Variants in RGS18 observed in about 807,000 individuals in gnomAD.
The protein encoded by RGS18 is regulator of G-protein signaling 18.
In RGS18, 22 loss-of-function variants were observed where a neutral mutation model predicts 27.6. The observed-to-expected ratio is 0.80, with a 90% CI of 0.57 to 1.14. The LOEUF (loss-of-function observed/expected upper bound fraction) is 1.14. RGS18 is among the 50% of genes most tolerant of loss of function. The pLI, the probability that RGS18 is intolerant of heterozygous loss-of-function variation, is 0.00. For missense variants in RGS18, 299 were observed against 269.6 expected (o/e 1.11, Z -0.76); for synonymous variants, 89 against 84.6 (o/e 1.05, Z -0.29).
At chr1:192,160,316 G>C in intron 2 of RGS18, 62 bp from the exon 3 acceptor site, 1 of 1,048,248 alleles carries the variant, frequency 9.5e-7, no homozygotes, top group Non-Finnish European at 1.5e-6. Context: ...GCATATGTTA[G>C]AACAGATTCA....
At chr1:192,175,889 T>C (rs543884891) in intron 3 of RGS18, among the ~76,000 whole-genome samples, 2 of 152,040 alleles carry the variant, frequency 1.3e-5, no homozygotes, top group South Asian at 4.1e-4. Flanking sequence ...GCAACTTTAG[T>C]ACTTGCAAAT....
chr1:192,182,965 A>C (rs1656480978), intron 4 of RGS18, among the ~76,000 whole-genome samples: 1 of 151,584 alleles, frequency 6.6e-6, no homozygotes, highest in Non-Finnish European at 1.5e-5. Flanking sequence ...CAAGTTTTCA[A>C]GTGGAAAACA....
intron 3 of RGS18, among the ~76,000 whole-genome samples, chr1:192,174,925 A>C (rs1484879360): frequency 2.0e-5 from 3 of 151,720 alleles, no homozygotes; most frequent in African/African-American, 7.3e-5. Context: ...TGGATCTAAC[A>C]TCTTACTATT....
intron 3 of RGS18, among the ~76,000 whole-genome samples, chr1:192,178,288 A>G (rs1366158642): frequency 6.6e-6 from 1 of 151,666 alleles, no homozygotes; most frequent in Non-Finnish European, 1.5e-5. Flanking sequence ...CATATGACTA[A>G]TTCAGTGGTC....
chr1:192,172,270 T>C (rs548507441), intron 3 of RGS18, among the ~76,000 whole-genome samples: 6 of 151,978 alleles, frequency 3.9e-5, no homozygotes, highest in Non-Finnish European at 8.8e-5. Context: ...TTTTCAGCAA[T>C]AGTGAGTTTT....
Position 192,184,323 on chromosome 1 carries a change from A to G in RGS18, c.477A>G (p.Glu159=), listed in dbSNP as rs776135760. The G allele has an allele frequency of 6.2e-7, 1 of 1,609,810 alleles. No homozygotes were observed. The highest frequency in any genetic ancestry group is 8.5e-7 in the Non-Finnish European group (1 of 1,177,062). Residue 159 remains glutamate, a synonymous_variant, in exon 5 of 5, where the codon GAA becomes GAG. Coordinates refer to ENST00000367460, the MANE Select transcript of RGS18 (RefSeq NM_130782.3). ...KEVNLDFHTK[E]VITNSITQPT... ...TTAACCTTGATTTTCACACAAAAGA[A>G]GTCATTACAAACAGCATCACTCAAC...
chr1:192,175,153 AT>A (rs902922900), intron 3 of RGS18, among the ~76,000 whole-genome samples: 2 of 151,634 alleles, frequency 1.3e-5, no homozygotes, highest in Admixed American at 1.3e-4. Flanking sequence ...CATAGTTTAA[AT>A]TTTGTCTTAG....
intron 2 of RGS18, among the ~76,000 whole-genome samples, chr1:192,159,641 A>C (rs539602720): frequency 6.6e-6 from 1 of 152,188 alleles, no homozygotes; most frequent in Non-Finnish European, 1.5e-5. Flanking sequence ...CAATATTGTC[A>C]TAGCAGAGAG....
intron 3 of RGS18, chr1:192,169,132 G>A (rs529729840): frequency 6.6e-6 from 1 of 152,162 alleles, no homozygotes; most frequent in Non-Finnish European, 1.5e-5. Flanking sequence ...TCAGCTATCT[G>A]GCTTCTGGGC....
intron 4 of RGS18, among the ~76,000 whole-genome samples, chr1:192,182,142 G>A (rs1656467247): frequency 1.3e-5 from 2 of 151,584 alleles, no homozygotes; most frequent in African/African-American, 4.8e-5. Context: ...GAATAATGCT[G>A]CAATAAACAT....
chr1:192,174,072 T>G (rs1656315741), intron 3 of RGS18, among the ~76,000 whole-genome samples: 1 of 151,738 alleles, frequency 6.6e-6, no homozygotes, highest in Non-Finnish European at 1.5e-5. Flanking sequence ...AACCACTGTT[T>G]AAGCTGCATC....
Position 192,184,493 on chromosome 1 carries a change from C to G in RGS18, c.647C>G (p.Ser216Ter). The G allele has an allele frequency of 1.9e-6, 3 of 1,611,444 alleles. No individual in the cohort carries two copies. The highest frequency in any genetic ancestry group is 2.5e-6 in the Non-Finnish European group (3 of 1,178,324). ...PQRPTNLRRR[S>*]RSFTCNEFQD... ...AGACCAACAAATCTTAGGAGACGAT[C>G]ACGCTCATTTACCTGCAATGAATTC... Residue 216 changes from serine to a stop codon, truncating the protein, a stop_gained, in exon 5 of 5, where the codon TCA becomes TGA. Transcript: ENST00000367460. LOFTEE classifies it high-confidence loss of function.
At position 192,185,630 on chromosome 1, in the gene RGS18, T is replaced by C. The variant is rs568000456; in HGVS notation, c.*1076T>C. 50 of 151,830 alleles carry C rather than the reference T, an allele frequency of 3.3e-4. No homozygotes were observed. Among genetic ancestry groups the C allele is most frequent in the African/African-American group, 1.2e-3 (48 of 41,496 alleles). The allele number at this position is 151,830 out of a possible 1,614,324, so 9.4% of individuals were successfully genotyped here. A position where few individuals can be genotyped will look rare whatever the true frequency, so the allele number is the denominator to read the frequency against. On this transcript the variant is annotated 3_prime_UTR_variant, in exon 5 of 5. Transcript: ENST00000367460. ...TATATGTCACTGTTTTAAAGAGATA[T>C]TTAATTTTTAATGTGTGTTACATGG... is the stretch of plus-strand genomic sequence containing the variant.
intron 3 of RGS18, among the ~76,000 whole-genome samples, chr1:192,180,951 ACT>A (rs974727499): frequency 1.3e-5 from 2 of 151,632 alleles, no homozygotes; most frequent in South Asian, 2.1e-4. Flanking sequence ...TGGCTTCTTG[ACT>A]CTGTGGAATC....
In RGS18 at chr1:192,159,265, T is replaced by C. The variant is rs1296644430; in HGVS notation, c.165T>C (p.Pro55=). The C allele has an allele frequency of 4.3e-6, 7 of 1,613,768 alleles. No homozygotes were observed. The highest frequency in any genetic ancestry group is 5.9e-6 in the Non-Finnish European group (7 of 1,179,720). ...RNRLSLLVQK[P]EFHEDTRSSR... Reference sequence around the variant, plus strand: ...GACTAAGTCTTCTTGTGCAGAAACCTGAGTTTCATGAAGACACCCGCTCCA... The same window carrying C: ...GACTAAGTCTTCTTGTGCAGAAACCCGAGTTTCATGAAGACACCCGCTCCA... The change falls in exon 2 of 5, where the codon CCT becomes CCC. Residue 55 remains proline, a synonymous_variant. Transcript: ENST00000367460.
chr1:192,161,079 T>A (rs1656062551), intron 3 of RGS18, among the ~76,000 whole-genome samples: 1 of 152,226 alleles, frequency 6.6e-6, no homozygotes, highest in Non-Finnish European at 1.5e-5. Flanking sequence ...CTCAATCTGC[T>A]GACCTGGTGA....
chr1:192,184,451 T>A lies in RGS18; in HGVS notation c.605T>A (p.Met202Lys), dbSNP rs1490714850. The A allele has an allele frequency of 6.2e-7, 1 of 1,611,696 alleles. No individual in the cohort carries two copies. The highest frequency in any genetic ancestry group is 1.3e-5 in the African/African-American group (1 of 74,688). Residue 202 changes from methionine to lysine, a missense_variant, in exon 5 of 5, where the codon ATG (methionine) becomes AAG (lysine). Physicochemically the swap from Met to Lys is moderately conservative, Grantham distance 95. Transcript: ENST00000367460. ...AAATCTGACATCTATTTAGACTTGATGGAAGGAAGACCTCAGAGACCAACA... is the reference window on the plus strand; with the variant it reads ...AAATCTGACATCTATTTAGACTTGAAGGAAGGAAGACCTCAGAGACCAACA... ...FLKSDIYLDL[M>K]EGRPQRPTNL...
chr1:192,178,508 G>C (rs1571393235), intron 3 of RGS18, among the ~76,000 whole-genome samples: 1 of 151,604 alleles, frequency 6.6e-6, no homozygotes, highest in African/African-American at 2.4e-5. Flanking sequence ...AAACTCTGGA[G>C]TTTAGCTGCC....
At chr1:192,164,167 C>A (rs1571386004) in intron 3 of RGS18, among the ~76,000 whole-genome samples, 1 of 151,888 alleles carries the variant, frequency 6.6e-6, no homozygotes, top group Admixed American at 6.6e-5. Context: ...AGGAATGAAA[C>A]CACAGGATGG....
Sources: allele counts gnomAD v4.1 joint callset (sites outside exome capture counted in the v4.1 genomes callset), GRCh38; gene constraint gnomAD v4.1.1; transcripts MANE v1.5; gene names NCBI Gene and HGNC (gene_info 2026-07-23, HGNC 2026-07-21).